TRPM3: variants seen among roughly 807,000 people sequenced by gnomAD.
TRPM3 encodes the protein long transient receptor potential channel 3.
In TRPM3, 77 loss-of-function variants were observed where a neutral mutation model predicts 181.2. That is an observed-to-expected ratio of 0.42 (90% CI 0.35 to 0.51). The LOEUF is 0.51. Among genes scored for constraint, TRPM3 ranks in the 20% least tolerant of loss-of-function variants. The pLI is 0.01. For synonymous variants in TRPM3, 745 were observed against 796.4 expected (o/e 0.94, Z 1.09); for missense variants, 1,759 against 2,196.7 (o/e 0.80, Z 3.98).
intron 1 of TRPM3, among the ~76,000 whole-genome samples, chr9:70,950,443 G>A (rs1590017002): frequency 6.6e-6 from 1 of 152,306 alleles, no homozygotes; most frequent in East Asian, 1.9e-4. Flanking sequence ...GACATATTAT[G>A]CGCTCCTGAC....
At chr9:70,594,628 C>T (rs1056065069) in intron 21 of TRPM3, among the ~76,000 whole-genome samples, 4 of 152,076 alleles carry the variant, frequency 2.6e-5, no homozygotes, top group Non-Finnish European at 4.4e-5. Flanking sequence ...GGAGTCTTTC[C>T]GGATATGCAG....
At chr9:70,627,548 C>G (rs1167929962) in intron 12 of TRPM3, among the ~76,000 whole-genome samples, 2 of 152,148 alleles carry the variant, frequency 1.3e-5, no homozygotes, top group Admixed American at 1.3e-4. Flanking sequence ...GCTGGGATTA[C>G]AGGTGTGAGC....
At chr9:71,410,564 G>A (rs1220686732) in intron 1 of TRPM3, among the ~76,000 whole-genome samples, 1 of 152,156 alleles carries the variant, frequency 6.6e-6, no homozygotes, top group Non-Finnish European at 1.5e-5. Context: ...CCAGGAAGAA[G>A]TTGAATCCCT....
chr9:71,284,880 T>C (rs143889076), intron 1 of TRPM3, among the ~76,000 whole-genome samples: 1 of 152,350 alleles, frequency 6.6e-6, no homozygotes, highest in African/African-American at 2.4e-5. Flanking sequence ...TAAGAAAGAA[T>C]TGTGAATTAA....
At chr9:71,084,332 T>C (rs1007646108) in intron 1 of TRPM3, among the ~76,000 whole-genome samples, 5 of 152,096 alleles carry the variant, frequency 3.3e-5, no homozygotes, top group Admixed American at 1.3e-4. Flanking sequence ...AATGAATTAG[T>C]AATAGCATGA....
intron 1 of TRPM3, among the ~76,000 whole-genome samples, chr9:70,985,403 A>G (rs1426462639): frequency 1.3e-5 from 2 of 152,228 alleles, no homozygotes; most frequent in Non-Finnish European, 2.9e-5. Flanking sequence ...AGAGGCCAAC[A>G]AAATTCTAGA....
chr9:70,665,731 AC>A (rs2061754203), intron 9 of TRPM3, among the ~76,000 whole-genome samples: 1 of 152,228 alleles, frequency 6.6e-6, no homozygotes, highest in African/African-American at 2.4e-5. Flanking sequence ...ATTCATTTAC[AC>A]AGCTGGATAT....
chr9:70,949,480 G>A (rs12377705), intron 1 of TRPM3, among the ~76,000 whole-genome samples: 29,474 of 151,978 alleles, frequency 0.19, 2,966 homozygotes, highest in East Asian at 0.29. Context: ...AAGTGAAACC[G>A]AAGAGACTGG....
At chr9:70,837,808 A>G (rs916725399) in intron 5 of TRPM3, among the ~76,000 whole-genome samples, 34 of 152,204 alleles carry the variant, frequency 2.2e-4, no homozygotes, top group Non-Finnish European at 1.0e-4. Context: ...AGTTCGGTTT[A>G]CAGTCACAGA....
intron 1 of TRPM3, among the ~76,000 whole-genome samples, chr9:70,962,873 G>A (rs545388532): frequency 2.1e-4 from 32 of 152,278 alleles, no homozygotes; most frequent in Non-Finnish European, 3.1e-4. Flanking sequence ...TGTCATGTAT[G>A]TAGAGTGCTC....
chr9:70,822,846 C>T (rs1029570295), intron 6 of TRPM3, among the ~76,000 whole-genome samples: 8 of 151,416 alleles, frequency 5.3e-5, no homozygotes, highest in African/African-American at 1.5e-4. Context: ...TCTCCTACTT[C>T]GTACTCCAGA....
intron 1 of TRPM3, among the ~76,000 whole-genome samples, chr9:71,250,992 T>G (rs1007564650): frequency 5.9e-5 from 9 of 152,186 alleles, no homozygotes; most frequent in African/African-American, 1.9e-4. Flanking sequence ...TGATTTGCTT[T>G]GTTCCAAAAA....
intron 1 of TRPM3, among the ~76,000 whole-genome samples, chr9:71,371,816 T>A (rs371340627): frequency 1.3e-5 from 2 of 152,112 alleles, no homozygotes; most frequent in Admixed American, 6.5e-5. Flanking sequence ...TTGAAAAAAA[T>A]TCATTCTTGT....
intron 6 of TRPM3, among the ~76,000 whole-genome samples, chr9:70,821,582 A>G (rs2093174174): frequency 1.3e-5 from 2 of 152,210 alleles, no homozygotes; most frequent in Non-Finnish European, 2.9e-5. Flanking sequence ...TAAAATAAAT[A>G]TTAAAAATTA....
intron 22 of TRPM3, among the ~76,000 whole-genome samples, chr9:70,556,911 C>T (rs796844471): frequency 7.2e-4 from 110 of 152,286 alleles, no homozygotes; most frequent in African/African-American, 2.5e-3. Flanking sequence ...GTATCTAGCA[C>T]ATAGCACTCA....
At chr9:71,296,920 T>A (rs1371479753) in intron 1 of TRPM3, among the ~76,000 whole-genome samples, 1 of 151,636 alleles carries the variant, frequency 6.6e-6, no homozygotes, top group Non-Finnish European at 1.5e-5. Flanking sequence ...TGAGAAACAC[T>A]GCAGAAAGAA....
intron 8 of TRPM3, 138 bp downstream of exon 8, chr9:70,761,463 T>C (rs1200636922): frequency 3.5e-6 from 4 of 1,143,316 alleles, no homozygotes; most frequent in Non-Finnish European, 5.2e-6. Context: ...AGGAAGCTAC[T>C]GGAGCCAATG....
intron 1 of TRPM3, among the ~76,000 whole-genome samples, chr9:71,106,209 T>C (rs149194756): frequency 1.2e-3 from 176 of 152,268 alleles, no homozygotes; most frequent in Non-Finnish European, 1.9e-3. Flanking sequence ...TTTTGCTCAG[T>C]GATACGCCAC....
At chr9:70,618,735 A>T in intron 17 of TRPM3, 132 bp downstream of exon 17, 1 of 770,128 alleles carries the variant, frequency 1.3e-6, no homozygotes, top group Non-Finnish European at 2.1e-6. Flanking sequence ...CAGGATTCTG[A>T]GGCACAGTCA....
Sources: gnomAD v4.1 joint callset for allele counts (sites outside exome capture counted in the v4.1 genomes callset) on GRCh38, gnomAD v4.1.1 for gene constraint, MANE v1.5 for transcripts, NCBI Gene and HGNC (gene_info 2026-07-23, HGNC 2026-07-21) for gene names.